Variants in ZBBX observed in about 807,000 individuals in gnomAD.
ZBBX encodes the protein zinc finger B-box domain containing.
Under a neutral mutation model 108.5 loss-of-function variants are expected in ZBBX, and 101 were observed. The ratio of observed to expected loss-of-function variants is 0.93; its 90% CI spans 0.79 to 1.10. ZBBX has a LOEUF of 1.10. ZBBX is among the 50% of genes least tolerant of loss of function. The pLI is 0.00. For synonymous variants in ZBBX, 356 were observed against 323.4 expected, an observed-to-expected ratio of 1.10 and a Z score of -1.08; for missense variants, 1,009 against 941.4, an observed-to-expected ratio of 1.07 and a Z score of -0.94.
At chr3:167,185,571 C>T in the ZBBX span, among the ~76,000 whole-genome samples, 1 of 152,016 alleles carries the variant, frequency 6.6e-6, no homozygotes, top group Non-Finnish European at 1.5e-5. Context: ...ATTTTGCTTG[C>T]TGAATACTTA....
chr3:167,179,704 C>T, the ZBBX span, among the ~76,000 whole-genome samples: 1 of 152,186 alleles, frequency 6.6e-6, no homozygotes, highest in African/African-American at 2.4e-5. Context: ...AAGTATAGGG[C>T]ATCTGGAAAA....
rs1217294073 is a variant in ZBBX, at chr3:167,288,496, T to G, written c.1996+371A>C. ...CATATGGCTCTGTCTGATCATAATA[T>G]ATATCAAGTGAAAGAGTATGCAAAA... is the stretch of plus-strand genomic sequence containing the variant. On this transcript the variant is annotated intron_variant, in intron 19 of 21. Transcript: ENST00000675490. Among the ~76,000 whole-genome samples, 8 of 152,188 alleles carry G rather than the reference T, an allele frequency of 5.3e-5. No individual in the cohort carries two copies. In the South Asian group the frequency reaches 1.7e-3, roughly 31 times the overall value.
chr3:167,255,576 T>A (rs538632565), intron 20 of ZBBX, among the ~76,000 whole-genome samples: 9 of 152,194 alleles, frequency 5.9e-5, no homozygotes, highest in South Asian at 2.1e-4. Flanking sequence ...TTATAGGGAA[T>A]TATTACTATC....
At chr3:167,213,427 A>C in the ZBBX span, among the ~76,000 whole-genome samples, 17 of 152,290 alleles carry the variant, frequency 1.1e-4, no homozygotes, top group South Asian at 2.7e-3. Flanking sequence ...AGAATAAACC[A>C]AGCTGAGGAA....
At chr3:167,327,838 C>T (rs1342572012) in intron 11 of ZBBX, 104 bp downstream of exon 11, 5 of 1,133,072 alleles carry the variant, frequency 4.4e-6, no homozygotes, top group East Asian at 5.1e-5. Flanking sequence ...TACTTGAACC[C>T]GGAAGGTGGA....
the ZBBX span, among the ~76,000 whole-genome samples, chr3:167,215,217 A>G: frequency 1.9e-4 from 29 of 151,988 alleles, no homozygotes; most frequent in South Asian, 2.1e-3. Context: ...TTAAAGATGT[A>G]AAATAGGCCA....
intron 1 of ZBBX, among the ~76,000 whole-genome samples, chr3:167,396,621 A>G (rs2108640173): frequency 6.6e-6 from 1 of 152,158 alleles, no homozygotes; most frequent in African/African-American, 2.4e-5. Context: ...CATGTGAAAA[A>G]CGTTTATGGT....
chr3:167,203,609 G>T, the ZBBX span, among the ~76,000 whole-genome samples: 10 of 151,870 alleles, frequency 6.6e-5, no homozygotes, highest in African/African-American at 2.2e-4. Flanking sequence ...TATTTAAAAA[G>T]AAATGAATAA....
intron 6 of ZBBX, among the ~76,000 whole-genome samples, chr3:167,363,696 T>C (rs1460466572): frequency 6.6e-6 from 1 of 152,062 alleles, no homozygotes; most frequent in African/African-American, 2.4e-5. Context: ...GAAAAGAATA[T>C]AATAAAGTCT....
intron 11 of ZBBX, among the ~76,000 whole-genome samples, chr3:167,326,828 CATT>C (rs1012892671): frequency 6.6e-6 from 1 of 151,680 alleles, no homozygotes; most frequent in East Asian, 1.9e-4. Context: ...AATTAGAAGA[CATT>C]GTTGATACTT....
At chr3:167,261,406 C>A (rs950489635) in intron 20 of ZBBX, among the ~76,000 whole-genome samples, 2 of 150,230 alleles carry the variant, frequency 1.3e-5, no homozygotes, top group African/African-American at 4.9e-5. Flanking sequence ...GATTATATGC[C>A]ATTTGTCTTC....
chr3:167,305,843 T>C lies in ZBBX; in HGVS notation c.1525A>G (p.Lys509Glu). 2 of 1,611,206 alleles carry C rather than the reference T, an allele frequency of 1.2e-6. No individual in the cohort carries two copies. The highest frequency in any genetic ancestry group is 8.5e-7 in the Non-Finnish European group (1 of 1,178,686). Reference protein sequence around the residue: ...STSFERNLKEKNIGLESNQKS... With the variant: ...STSFERNLKEENIGLESNQKS... ...TGATTACTTTCTAAACCTATATTTT[T>C]CTCCTTTAAATTTCTTTCAAAGGAG... The change falls in exon 17 of 22, where the codon AAA (lysine) becomes GAA (glutamate). Residue 509 changes from lysine (K) to glutamate (E), a missense_variant. Transcript: ENST00000675490.
At chr3:167,371,007 A>G (rs1746079784) in intron 4 of ZBBX, among the ~76,000 whole-genome samples, 1 of 152,140 alleles carries the variant, frequency 6.6e-6, no homozygotes, top group Admixed American at 6.6e-5. Context: ...GGAGGACTGG[A>G]AGAACACCAG....
intron 20 of ZBBX, among the ~76,000 whole-genome samples, chr3:167,277,620 A>T (rs1295604806): frequency 6.6e-6 from 1 of 152,160 alleles, no homozygotes; most frequent in Non-Finnish European, 1.5e-5. Context: ...TGACCTACAA[A>T]GAGACTTAGA....
At chr3:167,315,062 T>C (rs1039522317) in intron 15 of ZBBX, among the ~76,000 whole-genome samples, 1 of 152,110 alleles carries the variant, frequency 6.6e-6, no homozygotes, top group African/African-American at 2.4e-5. Context: ...CCCATAGCTA[T>C]TGCAAAATGT....
rs200288746 is a variant in ZBBX at position 167,350,515 on chromosome 3, C to T, written c.433G>A (p.Val145Ile). The T allele has an allele frequency of 1.5e-5, 23 of 1,562,148 alleles. No homozygotes were observed. The highest frequency in any genetic ancestry group is 2.0e-5 in the Non-Finnish European group (23 of 1,152,230). The stretch of plus-strand genomic sequence containing the variant: ...TAATCTTCTCCACATTCAAGGCATA[C>T]CTAAAAAGATATTTTTTAAAAAATT... ...GQCENKAALL[V>I]CLECGEDYCS... Residue 145 changes from valine (V) to isoleucine (I), a missense_variant and splice_region_variant, in exon 9 of 22, where the codon GTA becomes ATA. By Grantham distance (29) the Val-to-Ile change is conservative. Transcript: ENST00000675490.
At chr3:167,397,475 C>A (rs1485133430) in intron 1 of ZBBX, among the ~76,000 whole-genome samples, 3 of 151,790 alleles carry the variant, frequency 2.0e-5, no homozygotes, top group African/African-American at 7.3e-5. Context: ...ATGGATTATT[C>A]CCTTACTTTA....
In ZBBX at chr3:167,313,961, A is replaced by T. The variant is rs186557482; in HGVS notation, c.1417+13T>A. The stretch of plus-strand genomic sequence containing the variant: ...GCACTGTTAATAATATCCAGCAACA[A>T]GAAAAATGTTACCTTTTGAATTATC... On this transcript the variant is annotated intron_variant, in intron 16 of 21. Coordinates refer to ENST00000675490, the MANE Select transcript of ZBBX (RefSeq NM_001199201.2). The T allele has an allele frequency of 1.0e-5, 16 of 1,563,756 alleles. No homozygotes were observed. In the African/African-American group the frequency reaches 2.2e-4, roughly 22 times the overall value.
At chr3:167,387,088 G>GTTAATA (rs1747943794) in intron 1 of ZBBX, among the ~76,000 whole-genome samples, 1 of 151,972 alleles carries the variant, frequency 6.6e-6, no homozygotes, top group African/African-American at 2.4e-5. Flanking sequence ...CCCATTGTGA[G>GTTAATA]TTAATATTAC....
Sources: allele counts gnomAD v4.1 joint callset (sites outside exome capture counted in the v4.1 genomes callset), GRCh38; gene constraint gnomAD v4.1.1; transcripts MANE v1.5; gene names NCBI Gene and HGNC (gene_info 2026-07-23, HGNC 2026-07-21).